Variants in LAMB4 observed in about 807,000 individuals in gnomAD.
LAMB4 encodes the protein laminin subunit beta-4.
A neutral mutation model predicts 199.2 loss-of-function variants in LAMB4; 196 were observed. The ratio of observed to expected loss-of-function variants is 0.98; its 90% CI spans 0.88 to 1.11. The LOEUF (loss-of-function observed/expected upper bound fraction) is 1.11. Among genes scored for constraint, LAMB4 ranks in the 50% least tolerant of loss-of-function variants. LAMB4 has a pLI of 0.00. For missense variants in LAMB4, 2,080 were observed against 2,171.2 expected, an observed-to-expected ratio of 0.96 and a Z score of 0.83; for synonymous variants, 744 against 770.6, an observed-to-expected ratio of 0.97 and a Z score of 0.57.
At chr7:108,105,772 AAGGC>A in intron 8 of LAMB4, 41 bp downstream of exon 8, 2 of 1,537,536 alleles carry the variant, frequency 1.3e-6, no homozygotes, top group Non-Finnish European at 1.8e-6. Flanking sequence ...AGGACAGTGA[AAGGC>A]AGGTAGGACA....
chr7:108,084,286 T>A (rs540973091), intron 14 of LAMB4, among the ~76,000 whole-genome samples: 6 of 152,148 alleles, frequency 3.9e-5, no homozygotes, highest in Non-Finnish European at 7.4e-5. Flanking sequence ...TTATGACTCA[T>A]CAGAATCCTG....
intron 2 of LAMB4, among the ~76,000 whole-genome samples, chr7:108,121,936 A>G (rs952182101): frequency 6.6e-6 from 1 of 152,182 alleles, no homozygotes; most frequent in Non-Finnish European, 1.5e-5. Context: ...TCAATGGGAA[A>G]ATTCCCAAGC....
At chr7:108,092,232 C>T in intron 13 of LAMB4, 105 bp downstream of exon 13, 1 of 795,712 alleles carries the variant, frequency 1.3e-6, no homozygotes, top group Middle Eastern at 2.5e-4. Context: ...AAGATCATTG[C>T]TTGTCATGGA....
Position 108,116,153 on chromosome 7 carries a change from T to C in LAMB4, c.43A>G (p.Ser15Gly). The C allele has an allele frequency of 6.2e-7, 1 of 1,613,760 alleles. No homozygotes were observed. The highest frequency in any genetic ancestry group is 8.5e-7 in the Non-Finnish European group (1 of 1,179,804). The change falls in exon 3 of 34, where the codon AGT (serine) becomes GGT (glycine). Residue 15 changes from serine (S) to glycine (G), a missense_variant. By Grantham distance (56) the Ser-to-Gly change is moderately conservative. Coordinates refer to ENST00000388781, the MANE Select transcript of LAMB4 (RefSeq NM_007356.3). Reference sequence around the variant, plus strand: ...CAGTCATCTTGAGCTTTTGAGTAACTGAGCCACCCTTGAACACAACAGAAA... The same window carrying C: ...CAGTCATCTTGAGCTTTTGAGTAACCGAGCCACCCTTGAACACAACAGAAA... ...LTLFLHLGWL[S>G]YSKAQDDCNR...
the LAMB4 span, among the ~76,000 whole-genome samples, chr7:108,012,738 T>C: frequency 6.6e-6 from 1 of 152,224 alleles, no homozygotes; most frequent in Non-Finnish European, 1.5e-5. Flanking sequence ...TAGTCAGCAA[T>C]CTGGCCCTTA....
chr7:108,048,164 T>TA, intron 27 of LAMB4, 53 bp from the exon 28 acceptor site: 52 of 1,338,484 alleles, frequency 3.9e-5, no homozygotes, highest in Admixed American at 6.8e-5. Flanking sequence ...AGAGCTTTTT[T>TA]TTTTTTTTTT....
At chr7:108,123,934 T>C (rs769565675) in intron 1 of LAMB4, among the ~76,000 whole-genome samples, 2 of 152,214 alleles carry the variant, frequency 1.3e-5, no homozygotes, top group East Asian at 1.9e-4. Context: ...CAAGTTACCA[T>C]TGAAGAGAGT....
chr7:108,034,401 T>A, intron 30 of LAMB4, 55 bp from the exon 31 acceptor site: 1 of 1,412,534 alleles, frequency 7.1e-7, no homozygotes, highest in Non-Finnish European at 1.0e-6. Context: ...ATTCACTTAT[T>A]TCACCTTGAG....
At chr7:108,054,564 G>A (rs2035921086) in intron 25 of LAMB4, among the ~76,000 whole-genome samples, 1 of 152,124 alleles carries the variant, frequency 6.6e-6, no homozygotes, top group Non-Finnish European at 1.5e-5. Flanking sequence ...CACTTTTGGA[G>A]TTCCTTAGCA....
At chr7:108,094,963 G>A (rs919257787) in intron 12 of LAMB4, among the ~76,000 whole-genome samples, 1 of 152,080 alleles carries the variant, frequency 6.6e-6, no homozygotes, top group Non-Finnish European at 1.5e-5. Context: ...GGAAAAGAGT[G>A]GATAAACCTA....
intron 33 of LAMB4, chr7:108,026,778 C>A: frequency 2.5e-6 from 1 of 399,036 alleles, no homozygotes; most frequent in East Asian, 6.4e-5. Context: ...GGGCTCCATA[C>A]TGGGATCCAG....
At chr7:108,071,978 C>G (rs1182745547) in intron 17 of LAMB4, among the ~76,000 whole-genome samples, 6 of 151,414 alleles carry the variant, frequency 4.0e-5, no homozygotes, top group Non-Finnish European at 8.8e-5. Context: ...TGCTCATCCT[C>G]TCAACCCCAT....
the LAMB4 span, among the ~76,000 whole-genome samples, chr7:108,016,638 A>G: frequency 6.6e-6 from 1 of 152,212 alleles, no homozygotes; most frequent in African/African-American, 2.4e-5. Context: ...TCAGTGAGAA[A>G]AATCATATGT....
chr7:108,031,019 A>T, intron 31 of LAMB4, 40 bp from the exon 32 acceptor site: 1 of 1,577,190 alleles, frequency 6.3e-7, no homozygotes, highest in Non-Finnish European at 8.7e-7. Context: ...AAATCTCTTT[A>T]TGAAACAAAC....
chr7:108,109,027 G>A (rs562220917), intron 5 of LAMB4, 144 bp downstream of exon 5: 200 of 628,140 alleles, frequency 3.2e-4, no homozygotes, highest in African/African-American at 3.0e-3. Context: ...CTTCATGTAA[G>A]AGTCAAAGCT....
chr7:108,087,907 A>G (rs754529634), intron 14 of LAMB4, among the ~76,000 whole-genome samples: 3 of 152,146 alleles, frequency 2.0e-5, no homozygotes, highest in African/African-American at 4.8e-5. Context: ...CTCCATTTCT[A>G]TTCATGAGGG....
chr7:108,094,428 A>C (rs1464569936), intron 12 of LAMB4, among the ~76,000 whole-genome samples: 12 of 145,236 alleles, frequency 8.3e-5, no homozygotes, highest in African/African-American at 1.8e-4. Context: ...TCTTTCCCCC[A>C]CCCCCTCTGC....
chr7:108,031,355 A>C (rs1457497386), intron 31 of LAMB4, among the ~76,000 whole-genome samples: 4 of 142,082 alleles, frequency 2.8e-5, no homozygotes, highest in Non-Finnish European at 6.1e-5. Context: ...AAAGAAAAAA[A>C]AGAAAAAGGA....
the LAMB4 span, among the ~76,000 whole-genome samples, chr7:108,014,180 T>C: frequency 1.7e-4 from 26 of 152,324 alleles, no homozygotes; most frequent in African/African-American, 6.0e-4. Flanking sequence ...GTGGATGTAT[T>C]TTCAGTAGTG....
Sources: allele counts gnomAD v4.1 joint callset (sites outside exome capture counted in the v4.1 genomes callset), GRCh38; gene constraint gnomAD v4.1.1; transcripts MANE v1.5; gene names NCBI Gene and HGNC (gene_info 2026-07-23, HGNC 2026-07-21).